The following CACNG6 variants were observed in gnomAD, a reference collection of about 807,000 sequenced individuals.
CACNG6 encodes the protein voltage-dependent calcium channel gamma-6 subunit.
CACNG6 carries 21 observed loss-of-function variants against 23.9 expected under a neutral mutation model. That is an observed-to-expected ratio of 0.88 (90% CI 0.62 to 1.26). CACNG6 has a LOEUF of 1.26. Among genes scored for constraint, CACNG6 ranks in the 50% most tolerant of loss-of-function variants. CACNG6 has a pLI of 0.00. For synonymous variants in CACNG6, 182 were observed against 168.9 expected (o/e 1.08, Z -0.60); for missense variants, 340 against 352.9 (o/e 0.96, Z 0.29).
At chr19:54,011,577 C>G (rs35442657) in intron 3 of CACNG6, among the ~76,000 whole-genome samples, 1 of 151,962 alleles carries the variant, frequency 6.6e-6, no homozygotes. Context: ...TTCCAGCGTA[C>G]GGTTCTGTGG....
intron 3 of CACNG6, among the ~76,000 whole-genome samples, 178 bp from the exon 4 acceptor site, chr19:54,011,773 C>A (rs1447847134): frequency 8.2e-6 from 1 of 121,370 alleles, no homozygotes; most frequent in Non-Finnish European, 1.6e-5. Context: ...TTTTTTTTTT[C>A]TTTATCTCCA....
At chr19:54,005,210 A>AAAATAAATGAAT (rs377340398) in intron 3 of CACNG6, among the ~76,000 whole-genome samples, 53 of 132,810 alleles carry the variant, frequency 4.0e-4, no homozygotes, top group Admixed American at 1.3e-3. Flanking sequence ...CTCCATCTCA[A>AAAATAAATGAAT]AAATAAATAA....
At chr19:54,006,123 A>AAATAAATAAATAAAT (rs2069642139) in intron 3 of CACNG6, among the ~76,000 whole-genome samples, 1 of 34,400 alleles carries the variant, frequency 2.9e-5, no homozygotes, top group Non-Finnish European at 9.8e-5. Context: ...AATAAATAAA[A>AAATAAATAAATAAAT]TAAGAAAGAA....
At chr19:53,991,599 TGGGCGGGTGGGGACGAGGCCGGGCGC>T (rs2069459796), upstream of CACNG6, among the ~76,000 whole-genome samples, 4 of 3,382 alleles carry the variant, frequency 1.2e-3, no homozygotes, top group African/African-American at 2.9e-3. Flanking sequence ...GGGTGGGGGG[TGGGCGGGTGGGGACGAGGCCGGGCGC>T]GGGCGGAGGC....
chr19:53,993,789 A>G (rs1600052357), intron 1 of CACNG6, among the ~76,000 whole-genome samples: 1 of 145,772 alleles, frequency 6.9e-6, no homozygotes, highest in African/African-American at 2.6e-5. Flanking sequence ...ATCAGCCTGC[A>G]CCTCCACACC....
rs900606667 is a variant in CACNG6, at chr19:54,012,545, C to A, written c.*356C>A. The A allele has an allele frequency of 5.0e-6, 1 of 201,912 alleles. No homozygotes were observed. Among genetic ancestry groups the A allele is most frequent in the Non-Finnish European group, 9.9e-6 (1 of 101,522 alleles). The allele number at this position is 201,912 out of a possible 1,614,324, so 12.5% of individuals were successfully genotyped here. A position where few individuals can be genotyped will look rare whatever the true frequency, so the allele number is the denominator to read the frequency against. ...GCCCCTTCATTTCCCAGGTCTGGAT[C>A]GATTCACTTGCCGGGAGAGACTTTT... On this transcript the variant is annotated 3_prime_UTR_variant, in exon 4 of 4. Coordinates refer to ENST00000252729, the MANE Select transcript of CACNG6 (RefSeq NM_145814.2).
At position 53,999,847 on chromosome 19, in the gene CACNG6, T is replaced by TG. The variant is rs1274945174; in HGVS notation, c.544+80dup. On this transcript the variant is annotated intron_variant, in intron 3 of 3. Transcript: ENST00000252729. ...CCAGGCACTGTTGCATGCTGGGAGATGGGGTCTCTATGCACTGTTGCACGC... is the reference window on the plus strand; with the variant it reads ...CCAGGCACTGTTGCATGCTGGGAGATGGGGGTCTCTATGCACTGTTGCACGC... 38 of 1,554,418 alleles carry TG rather than the reference T, an allele frequency of 2.4e-5. No homozygotes were observed. In the Middle Eastern group the frequency reaches 6.8e-4, roughly 28 times the overall value.
In CACNG6 at chr19:54,011,939, T is replaced by G. The variant is rs764003596; in HGVS notation, c.545-12T>G. On this transcript the variant is annotated splice_polypyrimidine_tract_variant and intron_variant, in intron 3 of 3. Coordinates refer to ENST00000252729, the MANE Select transcript of CACNG6 (RefSeq NM_145814.2). ...GCGGGCGTCTGACTGCGAGCTGTCC[T>G]CTCTCCCGCAGGCCTGCTGCTCTTG... 1 of 1,474,884 alleles carries G rather than the reference T, an allele frequency of 6.8e-7. No individual in the cohort carries two copies. The highest frequency in any genetic ancestry group is 9.0e-7 in the Non-Finnish European group (1 of 1,110,944). 91.4% of individuals were successfully genotyped at this position (1,474,884 alleles called of 1,614,324 possible). A position where few individuals can be genotyped will look rare whatever the true frequency, so the allele number is the denominator to read the frequency against.
Position 53,998,248 on chromosome 19 carries a change from G to C in CACNG6, c.341G>C (p.Cys114Ser). ...GPAELPGEANCTYFKFFTTGE... is the reference protein window; with the variant it reads ...GPAELPGEANSTYFKFFTTGE... ...TCTCCTGCTCCCACAGAAGCAAACTGCACCTATTTTAAATTCTTCACCACG... is the reference window on the plus strand; with the variant it reads ...TCTCCTGCTCCCACAGAAGCAAACTCCACCTATTTTAAATTCTTCACCACG... Residue 114 changes from cysteine (C) to serine (S), a missense_variant, in exon 2 of 4, where the codon TGC (cysteine) becomes TCC (serine). By Grantham distance (112) the Cys-to-Ser change is moderately radical (BLOSUM62 -1). Coordinates refer to ENST00000252729, the MANE Select transcript of CACNG6 (RefSeq NM_145814.2). 1.9e-6 allele frequency: 3 copies of C among 1,613,928 alleles called. No homozygotes were observed. Among genetic ancestry groups the C allele is most frequent in the South Asian group, 1.1e-5 (1 of 91,082 alleles).
chr19:54,000,588 T>C (rs2069565380), intron 3 of CACNG6, among the ~76,000 whole-genome samples: 1 of 152,178 alleles, frequency 6.6e-6, no homozygotes, highest in South Asian at 2.1e-4. Context: ...TATTTACTTA[T>C]TTATTTTTGA....
intron 1 of CACNG6, among the ~76,000 whole-genome samples, chr19:53,994,455 G>A (rs1447840103): frequency 6.6e-6 from 1 of 151,992 alleles, no homozygotes; most frequent in Non-Finnish European, 1.5e-5. Context: ...GACACGCCAC[G>A]CCACGGCTTG....
At position 53,992,213 on chromosome 19, in the gene CACNG6, C is replaced by T. The variant is rs1474656145; in HGVS notation, c.-665C>T. The T allele has an allele frequency of 6.6e-6, 1 of 152,234 alleles. No homozygotes were observed. Among genetic ancestry groups the T allele is most frequent in the Admixed American group, 6.5e-5 (1 of 15,276 alleles). 9.4% of individuals were successfully genotyped at this position (152,234 alleles called of 1,614,324 possible). A position where few individuals can be genotyped will look rare whatever the true frequency, so the allele number is the denominator to read the frequency against. ...GGGGTCCTACTGCCTCTCTTGAGAC[C>T]CGGATTGAATTCCGACCTCCCCTTG... is the stretch of plus-strand genomic sequence containing the variant. On this transcript the variant is annotated 5_prime_UTR_variant, in exon 1 of 4. Transcript: ENST00000252729. The surrounding 1 kb of genome is among the most constrained non-coding windows in gnomAD (Gnocchi z 4.1).
chr19:54,012,024 G>C lies in CACNG6; in HGVS notation c.618G>C (p.Glu206Asp), dbSNP rs2069721820. Residue 206 changes from glutamate (E) to aspartate (D), a missense_variant, in exon 4 of 4, where the codon GAG becomes GAC. Physicochemically the swap from Glu to Asp is conservative, Grantham distance 45. Coordinates refer to ENST00000252729, the MANE Select transcript of CACNG6 (RefSeq NM_145814.2). ...VRALLQRVSPEPPPAPRLTYE... is the reference protein window; with the variant it reads ...VRALLQRVSPDPPPAPRLTYE... ...CCCTGCTGCAGAGAGTCAGCCCGGA[G>C]CCTCCCCCGGCCCCACGCCTCACCT... The C allele has an allele frequency of 1.2e-6, 2 of 1,605,920 alleles. No individual in the cohort carries two copies. Among genetic ancestry groups the C allele is most frequent in the Non-Finnish European group, 1.7e-6 (2 of 1,176,734 alleles).
chr19:54,005,257 A>AG (rs1205156218), intron 3 of CACNG6, among the ~76,000 whole-genome samples: 3 of 94,952 alleles, frequency 3.2e-5, no homozygotes, highest in East Asian at 3.3e-4. Context: ...AAATAATAAT[A>AG]AAAGAAAGAG....
At chr19:53,998,196 A>G in intron 1 of CACNG6, 43 bp from the exon 2 acceptor site, 2 of 1,556,758 alleles carry the variant, frequency 1.3e-6, no homozygotes, top group Non-Finnish European at 1.8e-6. Context: ...TACGCAAGGG[A>G]CCTCACATCC....
At chr19:53,995,635 C>T (rs749736896) in intron 1 of CACNG6, among the ~76,000 whole-genome samples, 41 of 152,224 alleles carry the variant, frequency 2.7e-4, no homozygotes, top group Non-Finnish European at 5.3e-4. Context: ...AGCACCTGCA[C>T]CCTTCGCTCA....
chr19:53,999,268 C>T (rs2069551682), intron 2 of CACNG6, among the ~76,000 whole-genome samples: 1 of 152,140 alleles, frequency 6.6e-6, no homozygotes, highest in African/African-American at 2.4e-5. Context: ...GGTGAGATTT[C>T]CAACCTGGAT....
chr19:53,999,999 A>T (rs752038205), intron 3 of CACNG6, among the ~76,000 whole-genome samples: 1 of 152,088 alleles, frequency 6.6e-6, no homozygotes, highest in Non-Finnish European at 1.5e-5. Context: ...GCCCTGTTGC[A>T]TGCTTGGAGT....
intron 1 of CACNG6, among the ~76,000 whole-genome samples, chr19:53,993,480 C>T (rs963203734): frequency 2.6e-5 from 4 of 152,042 alleles, no homozygotes; most frequent in Non-Finnish European, 5.9e-5. Flanking sequence ...CAGACTGTAC[C>T]CCAAGACCAG....
Sources: gnomAD v4.1 joint callset for allele counts (sites outside exome capture counted in the v4.1 genomes callset) on GRCh38, gnomAD v4.1.1 for gene constraint, Gnocchi (gnomAD v3.1) non-coding constraint, MANE v1.5 for transcripts, NCBI Gene and HGNC (gene_info 2026-07-23, HGNC 2026-07-21) for gene names.